CEP112: variants seen among roughly 807,000 people sequenced by gnomAD.
The protein encoded by CEP112 is centrosomal protein of 112 kDa.
CEP112 carries 127 observed loss-of-function variants against 153.0 expected under a neutral mutation model. The observed-to-expected ratio is 0.83, with a 90% CI of 0.72 to 0.96. The LOEUF (loss-of-function observed/expected upper bound fraction) is 0.96. CEP112 is among the 40% of genes least tolerant of loss of function. The pLI is 0.00. For missense variants in CEP112, 1,089 were observed against 1,101.2 expected (o/e 0.99, Z 0.16); for synonymous variants, 358 against 374.4 (o/e 0.96, Z 0.51).
At position 65,902,333 on chromosome 17, in the gene CEP112, A is replaced by C. The variant is rs2059900721; in HGVS notation, c.1982T>G (p.Ile661Arg). The C allele has an allele frequency of 2.5e-6, 4 of 1,611,606 alleles. No individual in the cohort carries two copies. Among genetic ancestry groups the C allele is most frequent in the Non-Finnish European group, 3.4e-6 (4 of 1,179,136 alleles). Residue 661 changes from isoleucine to arginine, a missense_variant and splice_region_variant, in exon 20 of 27, where the codon ATA becomes AGA. By Grantham distance (97) the Ile-to-Arg change is moderately conservative (BLOSUM62 -3). Coordinates refer to ENST00000535342, the MANE Select transcript of CEP112 (RefSeq NM_001199165.4). ...EDIRQRYEQQ[I>R]VELKLEHEQE... ...TTCATGCTCCAGCTTCAGCTCTACT[A>C]TCTGATTGGACAATGAGGAGGACAG... is the stretch of plus-strand genomic sequence containing the variant.
At chr17:66,037,154 C>G (rs927881016) in intron 12 of CEP112, among the ~76,000 whole-genome samples, 1 of 152,028 alleles carries the variant, frequency 6.6e-6, no homozygotes, top group Non-Finnish European at 1.5e-5. Context: ...TAAAATGTCT[C>G]CTAAATATGT....
chr17:66,024,189 A>C (rs35017378), intron 16 of CEP112, among the ~76,000 whole-genome samples: 62,433 of 151,978 alleles, frequency 0.41, 14,282 homozygotes, highest in East Asian at 0.87. Context: ...AAGGATCTGT[A>C]AGGCAAACCC....
intron 4 of CEP112, among the ~76,000 whole-genome samples, chr17:66,148,400 G>A (rs1209475399): frequency 6.6e-6 from 1 of 152,142 alleles, no homozygotes; most frequent in Non-Finnish European, 1.5e-5. Flanking sequence ...AAAATACACT[G>A]TTGGAATTTT....
At chr17:66,129,566 A>G (rs2070029401) in intron 6 of CEP112, among the ~76,000 whole-genome samples, 180 bp downstream of exon 6, 1 of 152,186 alleles carries the variant, frequency 6.6e-6, no homozygotes, top group Non-Finnish European at 1.5e-5. Context: ...GACAGGGACT[A>G]TTTTATGTTT....
chr17:66,015,662 T>G (rs1020498848), intron 16 of CEP112, among the ~76,000 whole-genome samples: 1 of 152,226 alleles, frequency 6.6e-6, no homozygotes, highest in Admixed American at 6.5e-5. Flanking sequence ...ATCTAAACTT[T>G]GCTTTCCCCT....
chr17:65,959,710 G>A (rs764613577), intron 18 of CEP112, among the ~76,000 whole-genome samples: 7 of 152,152 alleles, frequency 4.6e-5, no homozygotes, highest in Non-Finnish European at 1.0e-4. Flanking sequence ...CAGTATACCT[G>A]GTCCAGCCAC....
chr17:66,174,747 G>A (rs778718867), intron 4 of CEP112, among the ~76,000 whole-genome samples: 1 of 152,194 alleles, frequency 6.6e-6, no homozygotes, highest in African/African-American at 2.4e-5. Context: ...AGGTGGATTT[G>A]CAGGATATTT....
intron 23 of CEP112, among the ~76,000 whole-genome samples, chr17:65,723,696 C>T (rs897846725): frequency 3.9e-5 from 6 of 152,166 alleles, no homozygotes; most frequent in African/African-American, 1.4e-4. Context: ...TGTTTTGGCT[C>T]CAACTAAACT....
intron 17 of CEP112, among the ~76,000 whole-genome samples, chr17:65,998,649 G>A (rs1331323537): frequency 2.0e-5 from 3 of 151,612 alleles, no homozygotes; most frequent in South Asian, 2.1e-4. Context: ...GCTAATACAC[G>A]TATATAATAT....
chr17:66,122,551 G>A (rs1194580778), intron 6 of CEP112, among the ~76,000 whole-genome samples: 1 of 152,134 alleles, frequency 6.6e-6, no homozygotes, highest in Non-Finnish European at 1.5e-5. Flanking sequence ...CTCAGTGTAT[G>A]CAGCCTTGGG....
In CEP112 at chr17:65,645,683, T is replaced by C. The variant is rs1452339411; in HGVS notation, c.2698-4618A>G. On this transcript the variant is annotated intron_variant, in intron 24 of 26. Coordinates refer to ENST00000535342, the MANE Select transcript of CEP112 (RefSeq NM_001199165.4). ...GTGTTTTGTGAATGCTTTGACACTG[T>C]GAAGAGCTGTTATAAAGAACTGTAA... 2.0e-5 allele frequency among the ~76,000 whole-genome samples: 3 copies of C among 152,378 alleles called. No homozygotes were observed. In the East Asian group the frequency reaches 5.8e-4, roughly 29 times the overall value.
intron 5 of CEP112, among the ~76,000 whole-genome samples, chr17:66,131,554 A>T (rs1424835099): frequency 6.6e-6 from 1 of 151,884 alleles, no homozygotes; most frequent in Non-Finnish European, 1.5e-5. Flanking sequence ...ATCCTGACTA[A>T]CACAGTGAAA....
chr17:66,144,596 G>A (rs1051864236), intron 4 of CEP112, among the ~76,000 whole-genome samples: 3 of 152,168 alleles, frequency 2.0e-5, no homozygotes, highest in Non-Finnish European at 4.4e-5. Flanking sequence ...CAGAGGCTGA[G>A]GCAGGAGAAT....
At chr17:65,673,117 C>G (rs958423792) in intron 24 of CEP112, among the ~76,000 whole-genome samples, 1 of 152,118 alleles carries the variant, frequency 6.6e-6, no homozygotes, top group African/African-American at 2.4e-5. Flanking sequence ...TATCTGGAGG[C>G]TCTGGGGGAG....
At chr17:65,711,274 A>G (rs553358188) in intron 23 of CEP112, among the ~76,000 whole-genome samples, 3 of 152,360 alleles carry the variant, frequency 2.0e-5, no homozygotes, top group Admixed American at 6.5e-5. Context: ...CAAGGTTTCC[A>G]GTCTGGCTGC....
intron 21 of CEP112, among the ~76,000 whole-genome samples, chr17:65,821,113 GA>G (rs58515818): frequency 0.99 from 145,190 of 146,472 alleles, 71,961 homozygotes; most frequent in Middle Eastern, 1. Flanking sequence ...AATACATTCT[GA>G]AAAAAAAAAA....
chr17:65,784,512 ACT>A (rs1212277360), intron 21 of CEP112, among the ~76,000 whole-genome samples: 4 of 151,848 alleles, frequency 2.6e-5, no homozygotes, highest in Non-Finnish European at 5.9e-5. Flanking sequence ...ACGGAACCTC[ACT>A]CTGTCGCCCA....
intron 18 of CEP112, among the ~76,000 whole-genome samples, chr17:65,954,641 A>C (rs1203764003): frequency 2.0e-5 from 3 of 152,138 alleles, no homozygotes; most frequent in African/African-American, 2.4e-5. Flanking sequence ...AGAGTTCTTC[A>C]GTGAAATAGA....
intron 23 of CEP112, among the ~76,000 whole-genome samples, chr17:65,698,932 G>A (rs559167110): frequency 1.3e-5 from 2 of 152,074 alleles, no homozygotes; most frequent in Non-Finnish European, 2.9e-5. Flanking sequence ...TTTAAATTTC[G>A]ATTTTCTTAC....
Sources: allele counts gnomAD v4.1 joint callset (sites outside exome capture counted in the v4.1 genomes callset), GRCh38; gene constraint gnomAD v4.1.1; transcripts MANE v1.5; gene names NCBI Gene and HGNC (gene_info 2026-07-23, HGNC 2026-07-21).